SPIDR: variants seen among roughly 807,000 people sequenced by gnomAD.
SPIDR encodes scaffold protein involved in DNA repair.
SPIDR carries 93 observed loss-of-function variants against 104.6 expected under a neutral mutation model. The observed-to-expected ratio is 0.89, with a 90% CI of 0.75 to 1.06. The LOEUF (loss-of-function observed/expected upper bound fraction) is 1.06. Among genes scored for constraint, SPIDR ranks in the 50% least tolerant of loss-of-function variants. SPIDR has a pLI of 0.00. For synonymous variants in SPIDR, 431 were observed against 416.9 expected (o/e 1.03, Z -0.41); for missense variants, 1,154 against 1,111.2 (o/e 1.04, Z -0.55).
At position 47,439,064 on chromosome 8, in the gene SPIDR, AT is replaced by A. The variant is rs1246852295; in HGVS notation, c.878-1251del. 4.5e-4 allele frequency among the ~76,000 whole-genome samples: 69 copies of A among 152,038 alleles called. 1 individual carries two copies. The highest frequency in any genetic ancestry group is 1.5e-3 in the African/African-American group (64 of 41,478). On this transcript the variant is annotated intron_variant, in intron 7 of 19. Coordinates refer to ENST00000297423, the MANE Select transcript of SPIDR (RefSeq NM_001080394.4). The stretch of plus-strand genomic sequence containing the variant: ...TTGTTCTCAGTTTATGTATTTTTTT[AT>A]TTTTTTTAATTAAAAAGCACAGAGA...
chr8:47,501,035 G>T (rs901930581), intron 8 of SPIDR, among the ~76,000 whole-genome samples: 2 of 152,152 alleles, frequency 1.3e-5, no homozygotes, highest in Non-Finnish European at 2.9e-5. Flanking sequence ...ATGCTGTTTT[G>T]GTTACTGTGG....
rs373127874 is a variant in SPIDR at position 47,499,892 on chromosome 8, G to C, written c.1097+59350G>C. 1.8e-4 allele frequency among the ~76,000 whole-genome samples: 28 copies of C among 152,072 alleles called. No homozygotes were observed. In the East Asian group the frequency reaches 3.1e-3, roughly 17 times the overall value. Reference sequence around the variant, plus strand: ...TCACCTATGAGTGAGAACATGCAGTGTTTGGTTTTTTGTCCTTGCGATAGT... The same window carrying C: ...TCACCTATGAGTGAGAACATGCAGTCTTTGGTTTTTTGTCCTTGCGATAGT... On this transcript the variant is annotated intron_variant, in intron 8 of 19. Coordinates refer to ENST00000297423, the MANE Select transcript of SPIDR (RefSeq NM_001080394.4).
intron 5 of SPIDR, chr8:47,360,891 G>A (rs1236771243): frequency 2.0e-6 from 2 of 985,252 alleles, no homozygotes; most frequent in South Asian, 4.7e-5. Flanking sequence ...CTGCTTTGGT[G>A]CTGTTTGTGT....
intron 5 of SPIDR, among the ~76,000 whole-genome samples, chr8:47,320,946 C>A (rs1280990243): frequency 1.3e-5 from 2 of 152,120 alleles, no homozygotes; most frequent in African/African-American, 4.8e-5. Flanking sequence ...TGGGACGTAT[C>A]TCAAAATAGT....
intron 10 of SPIDR, among the ~76,000 whole-genome samples, chr8:47,612,529 T>C (rs2063732546): frequency 6.6e-6 from 1 of 152,256 alleles, no homozygotes; most frequent in Non-Finnish European, 1.5e-5. Context: ...GAAAGTGTCA[T>C]TCCTAATGGC....
In SPIDR at chr8:47,319,487, A is replaced by G. The variant is rs570624684; in HGVS notation, c.525+25457A>G. ...ACAAAGATACTTAGACTCCCACACAATAATAATGGGAGACTTTAACACCCC... is the reference window on the plus strand; with the variant it reads ...ACAAAGATACTTAGACTCCCACACAGTAATAATGGGAGACTTTAACACCCC... On this transcript the variant is annotated intron_variant, in intron 5 of 19. Coordinates refer to ENST00000297423, the MANE Select transcript of SPIDR (RefSeq NM_001080394.4). Among the ~76,000 whole-genome samples, 596 of 152,292 alleles carry G rather than the reference A, an allele frequency of 3.9e-3. 3 individuals carry two copies. Among genetic ancestry groups the G allele is most frequent in the South Asian group, 0.022 (107 of 4,822 alleles).
chr8:47,370,141 A>G (rs1156721631), intron 5 of SPIDR, among the ~76,000 whole-genome samples: 1 of 152,156 alleles, frequency 6.6e-6, no homozygotes, highest in Non-Finnish European at 1.5e-5. Context: ...TAACCTATGA[A>G]GTGAGTGGTG....
At chr8:47,398,711 T>G (rs1156880800) in intron 6 of SPIDR, among the ~76,000 whole-genome samples, 3 of 152,196 alleles carry the variant, frequency 2.0e-5, no homozygotes, top group South Asian at 2.1e-4. Flanking sequence ...GACTGCAGTG[T>G]CCAGATCTTT....
At chr8:47,499,068 G>A (rs889278082) in intron 8 of SPIDR, among the ~76,000 whole-genome samples, 9 of 152,136 alleles carry the variant, frequency 5.9e-5, no homozygotes, top group African/African-American at 2.2e-4. Flanking sequence ...TTTAGCAAAA[G>A]AAACCATAAA....
At chr8:47,722,742 G>C (rs375962325) in intron 16 of SPIDR, among the ~76,000 whole-genome samples, 48 of 151,866 alleles carry the variant, frequency 3.2e-4, no homozygotes, top group African/African-American at 1.1e-3. Context: ...GAAATGCTTG[G>C]AACCAGAAAT....
chr8:47,511,094 C>T (rs960918283), intron 8 of SPIDR: 19 of 1,330,178 alleles, frequency 1.4e-5, no homozygotes, highest in South Asian at 7.0e-5. Flanking sequence ...GTCCAGCTCT[C>T]GTCAGCCAGC....
chr8:47,709,428 C>T (rs916606542), intron 14 of SPIDR, among the ~76,000 whole-genome samples: 10 of 152,224 alleles, frequency 6.6e-5, no homozygotes, highest in African/African-American at 1.7e-4. Context: ...GCGTAAGCCA[C>T]GGCGCCCAGC....
At chr8:47,576,902 C>T (rs1010951983) in intron 8 of SPIDR, among the ~76,000 whole-genome samples, 5 of 152,102 alleles carry the variant, frequency 3.3e-5, no homozygotes, top group Admixed American at 2.0e-4. Context: ...GACTTGAATT[C>T]GTGTCTTTAG....
chr8:47,549,503 C>T (rs1265887409), intron 8 of SPIDR, among the ~76,000 whole-genome samples: 1 of 152,188 alleles, frequency 6.6e-6, no homozygotes, highest in East Asian at 1.9e-4. Context: ...TTTTGATTTG[C>T]ATTTCTCTGA....
intron 14 of SPIDR, among the ~76,000 whole-genome samples, chr8:47,703,227 A>C (rs75963203): frequency 9.0e-4 from 137 of 152,286 alleles, no homozygotes; most frequent in African/African-American, 3.2e-3. Context: ...CTTCCGCTTA[A>C]GTTATCCAGA....
chr8:47,527,058 A>T (rs990268544), intron 8 of SPIDR, among the ~76,000 whole-genome samples: 1 of 152,048 alleles, frequency 6.6e-6, no homozygotes, highest in Non-Finnish European at 1.5e-5. Context: ...TCTTGGAGAG[A>T]GGGGGCACAC....
At chr8:47,654,145 G>A (rs1183967857) in intron 10 of SPIDR, 1 of 1,289,822 alleles carries the variant, frequency 7.8e-7, no homozygotes, top group Non-Finnish European at 1.0e-6. Context: ...AAGTTCTCTG[G>A]CCAGGTGAGT....
intron 5 of SPIDR, among the ~76,000 whole-genome samples, chr8:47,317,412 C>G (rs1214229739): frequency 2.0e-5 from 3 of 151,972 alleles, no homozygotes; most frequent in Non-Finnish European, 2.9e-5. Context: ...GGGAGGGGCG[C>G]CCACCATTGC....
chr8:47,525,412 C>T (rs1427697426), intron 8 of SPIDR, among the ~76,000 whole-genome samples: 4 of 152,228 alleles, frequency 2.6e-5, no homozygotes, highest in African/African-American at 9.6e-5. Flanking sequence ...ACTGAATAAC[C>T]TACTTTCTTT....
Sources: allele counts gnomAD v4.1 joint callset (sites outside exome capture counted in the v4.1 genomes callset), GRCh38; gene constraint gnomAD v4.1.1; transcripts MANE v1.5; gene names NCBI Gene and HGNC (gene_info 2026-07-23, HGNC 2026-07-21).